The following DNAH14 variants were observed in gnomAD, a reference collection of about 807,000 sequenced individuals.
DNAH14 encodes the protein axonemal beta dynein heavy chain 14.
In DNAH14, 478 loss-of-function variants were observed where a neutral mutation model predicts 520.9. The observed-to-expected ratio is 0.92, with a 90% CI of 0.85 to 0.99. The LOEUF (loss-of-function observed/expected upper bound fraction) is 0.99. Among genes scored for constraint, DNAH14 ranks in the 50% least tolerant of loss-of-function variants. The pLI is 0.00. For synonymous variants in DNAH14, 1,581 were observed against 1,757.2 expected (o/e 0.90, Z 2.51); for missense variants, 4,831 against 5,234.5 (o/e 0.92, Z 2.38).
At chr1:225,357,614 A>T (rs187585676) in intron 73 of DNAH14, among the ~76,000 whole-genome samples, 14 of 124,152 alleles carry the variant, frequency 1.1e-4, no homozygotes, top group Admixed American at 1.1e-3. Context: ...AATTAAAAGA[A>T]AATTTTAAGA....
intron 17 of DNAH14, among the ~76,000 whole-genome samples, chr1:225,052,463 A>G (rs2068631073): frequency 6.6e-6 from 1 of 152,228 alleles, no homozygotes; most frequent in Non-Finnish European, 1.5e-5. Flanking sequence ...GTTTAAGGGT[A>G]CGAACTTATA....
At chr1:225,057,011 C>T (rs1298568587) in intron 17 of DNAH14, among the ~76,000 whole-genome samples, 10 of 152,236 alleles carry the variant, frequency 6.6e-5, no homozygotes, top group African/African-American at 2.2e-4. Flanking sequence ...CTTGTCAATG[C>T]GGGCCCTTTT....
chr1:225,024,048 T>C, intron 11 of DNAH14, 183 bp downstream of exon 11: 1 of 1,243,410 alleles, frequency 8.0e-7, no homozygotes, highest in Non-Finnish European at 1.0e-6. Flanking sequence ...TTAATATCGG[T>C]GCTATAGGAT....
intron 4 of DNAH14, among the ~76,000 whole-genome samples, chr1:224,962,078 T>C (rs1352898395): frequency 6.6e-6 from 1 of 152,196 alleles, no homozygotes; most frequent in Non-Finnish European, 1.5e-5. Context: ...TTAGTATTCA[T>C]GTACTTATTA....
chr1:225,299,711 T>A (rs151119091), intron 55 of DNAH14, among the ~76,000 whole-genome samples: 1 of 152,340 alleles, frequency 6.6e-6, no homozygotes, highest in African/African-American at 2.4e-5. Flanking sequence ...TCGAGATCAT[T>A]GGATCTGTTT....
At chr1:225,312,825 G>A (rs2094395379) in intron 60 of DNAH14, among the ~76,000 whole-genome samples, 1 of 152,304 alleles carries the variant, frequency 6.6e-6, no homozygotes, top group South Asian at 2.1e-4. Flanking sequence ...GCTTTTTAAT[G>A]TGCTGCTGGA....
chr1:225,380,378 C>G (rs1185679982), intron 80 of DNAH14, 56 bp downstream of exon 80: 1 of 1,488,772 alleles, frequency 6.7e-7, no homozygotes, highest in Non-Finnish European at 9.0e-7. Context: ...AGAAAGGACT[C>G]TGGTGTCAGG....
chr1:225,148,448 C>T (rs919959709), intron 31 of DNAH14, among the ~76,000 whole-genome samples: 1 of 133,080 alleles, frequency 7.5e-6, no homozygotes, highest in Non-Finnish European at 1.5e-5. Flanking sequence ...GTTGCCCAGG[C>T]TGGAGTGCAA....
In DNAH14 at chr1:225,097,191, G is replaced by T. The variant is rs371522012; in HGVS notation, c.3647G>T (p.Arg1216Ile). 688 of 1,550,664 alleles carry T rather than the reference G, an allele frequency of 4.4e-4. No individual in the cohort carries two copies. Among genetic ancestry groups the T allele is most frequent in the Non-Finnish European group, 5.5e-4 (633 of 1,146,476 alleles). Residue 1216 changes from arginine (R) to isoleucine (I), a missense_variant, in exon 22 of 86, where the codon AGA becomes ATA. Transcript: ENST00000682510. ...YTLEEWMNCQ[R>I]NWLYLEPVFH... ...CTTGAGGAATGGATGAATTGTCAAAGAAATTGGCTTTATCTTGAACCAGTC... is the reference window on the plus strand; with the variant it reads ...CTTGAGGAATGGATGAATTGTCAAATAAATTGGCTTTATCTTGAACCAGTC...
chr1:225,029,260 G>T (rs972661885), intron 11 of DNAH14, among the ~76,000 whole-genome samples: 1 of 151,970 alleles, frequency 6.6e-6, no homozygotes, highest in South Asian at 2.1e-4. Context: ...ATTGCCATGG[G>T]CTAGGTGGGG....
intron 3 of DNAH14, among the ~76,000 whole-genome samples, chr1:224,956,745 C>T (rs1291881458): frequency 3.3e-5 from 5 of 152,116 alleles, no homozygotes; most frequent in Non-Finnish European, 7.4e-5. Context: ...TATTTGATTT[C>T]TGGAAGGGGC....
At chr1:224,978,968 C>A (rs370063797) in intron 8 of DNAH14, among the ~76,000 whole-genome samples, 25 of 152,168 alleles carry the variant, frequency 1.6e-4, no homozygotes, top group African/African-American at 5.5e-4. Flanking sequence ...TGAATGTTAT[C>A]AAGTCAAAGA....
chr1:225,165,413 T>C (rs1411692385), intron 35 of DNAH14, among the ~76,000 whole-genome samples: 2 of 152,202 alleles, frequency 1.3e-5, no homozygotes, highest in Non-Finnish European at 2.9e-5. Context: ...AGTCTTAAAC[T>C]GTGAGATCCT....
rs1355753254 is a variant in DNAH14, at chr1:224,976,346, A to C, written c.830+2193A>C. ...TGGGGTGTTAAAGTCTCCCATTATTATTGTGTGGGAGTCTAAGTCTCTACA... is the reference window on the plus strand; with the variant it reads ...TGGGGTGTTAAAGTCTCCCATTATTCTTGTGTGGGAGTCTAAGTCTCTACA... On this transcript the variant is annotated intron_variant, in intron 8 of 85. Transcript: ENST00000682510. 2.6e-5 allele frequency among the ~76,000 whole-genome samples: 4 copies of C among 152,182 alleles called. No individual in the cohort carries two copies. The South Asian group carries it at 8.3e-4, about 32-fold the overall frequency.
At chr1:225,218,176 A>G (rs1289640762) in intron 41 of DNAH14, among the ~76,000 whole-genome samples, 3 of 152,214 alleles carry the variant, frequency 2.0e-5, no homozygotes, top group Non-Finnish European at 4.4e-5. Flanking sequence ...ATGGAAAGGG[A>G]AAACTAGTAC....
Position 225,178,500 on chromosome 1 carries a change from G to T in DNAH14, c.5536-6791G>T, listed in dbSNP as rs775366207. Among the ~76,000 whole-genome samples the T allele has an allele frequency of 1.2e-3, 179 of 152,104 alleles. 1 individual carries two copies. The highest frequency in any genetic ancestry group is 5.4e-4 in the Non-Finnish European group (37 of 68,034). ...TCTGGGTCCCTCCCGTAACACATGG[G>T]ACTTCTGGGAGATACAATTCAAGTT... On this transcript the variant is annotated intron_variant, in intron 36 of 85. Transcript: ENST00000682510.
At chr1:224,945,009 C>T (rs1571941826) in intron 1 of DNAH14, among the ~76,000 whole-genome samples, 1 of 152,108 alleles carries the variant, frequency 6.6e-6, no homozygotes, top group South Asian at 2.1e-4. Flanking sequence ...TTGTGGCATT[C>T]TCTGTATTTC....
At chr1:225,325,247 G>C (rs1022109757) in intron 64 of DNAH14, among the ~76,000 whole-genome samples, 38 of 151,718 alleles carry the variant, frequency 2.5e-4, no homozygotes, top group African/African-American at 9.2e-4. Context: ...CACTTTGGGA[G>C]GCTGAGGCAG....
chr1:225,172,672 C>A (rs1402115115), intron 36 of DNAH14, among the ~76,000 whole-genome samples: 6 of 152,098 alleles, frequency 3.9e-5, no homozygotes, highest in Admixed American at 3.3e-4. Flanking sequence ...CAATATCGTG[C>A]AAATGGCCAT....
Sources: gnomAD v4.1 joint callset for allele counts (sites outside exome capture counted in the v4.1 genomes callset) on GRCh38, gnomAD v4.1.1 for gene constraint, MANE v1.5 for transcripts, NCBI Gene and HGNC (gene_info 2026-07-23, HGNC 2026-07-21) for gene names.